CDH4: variants seen among roughly 807,000 people sequenced by gnomAD.
The protein encoded by CDH4 is cadherin 4.
CDH4 carries 33 observed loss-of-function variants against 86.0 expected under a neutral mutation model. That is an observed-to-expected ratio of 0.38 (90% CI 0.29 to 0.51). The LOEUF (loss-of-function observed/expected upper bound fraction) is 0.51, where lower values mean the gene tolerates loss of function less well. Among genes scored for constraint, CDH4 ranks in the 20% least tolerant of loss-of-function variants. The pLI is 0.86. For missense variants in CDH4, 1,114 were observed against 1,307.4 expected, an observed-to-expected ratio of 0.85 and a Z score of 2.28; for synonymous variants, 555 against 549.4, an observed-to-expected ratio of 1.01 and a Z score of -0.14.
At chr20:61,668,285 C>G (rs935370251) in intron 2 of CDH4, among the ~76,000 whole-genome samples, 2 of 152,190 alleles carry the variant, frequency 1.3e-5, no homozygotes, top group Non-Finnish European at 2.9e-5. Context: ...ATGTTTATCC[C>G]TCTATTGACA....
intron 8 of CDH4, among the ~76,000 whole-genome samples, chr20:61,899,718 C>T (rs923877173): frequency 5.3e-5 from 8 of 152,190 alleles, no homozygotes; most frequent in Non-Finnish European, 7.3e-5. Context: ...TGAGCCACCG[C>T]ACCCAGCCCA....
intron 2 of CDH4, among the ~76,000 whole-genome samples, chr20:61,631,140 G>A (rs767979796): frequency 3.9e-5 from 6 of 152,206 alleles, no homozygotes; most frequent in Non-Finnish European, 8.8e-5. Context: ...TGTTCGAGCT[G>A]GGACTGGGGA....
chr20:61,934,260 C>G (rs753035709), intron 15 of CDH4, 40 bp downstream of exon 15: 1 of 1,498,418 alleles, frequency 6.7e-7, no homozygotes, highest in Non-Finnish European at 8.9e-7. Context: ...GGCAAGGTGT[C>G]TCCTCTAAAA....
chr20:61,810,396 T>C lies in CDH4; in HGVS notation c.577-34272T>C, dbSNP rs78539269. On this transcript the variant is annotated intron_variant, in intron 4 of 15. Transcript: ENST00000614565. The surrounding 1 kb of genome is among the most constrained non-coding windows in gnomAD (Gnocchi z 4.3). ...TACCAGGACTCTTCCCAGCAAAAAC[T>C]GCCCTCGGCCAAGTTTCTGACCTGG... is the stretch of plus-strand genomic sequence containing the variant. Among the ~76,000 whole-genome samples the C allele has an allele frequency of 0.057, 8,652 of 152,298 alleles. 317 individuals are homozygous for C. Among genetic ancestry groups the C allele is most frequent in the Middle Eastern group, 0.088 (26 of 294 alleles).
At chr20:61,934,557 C>T (rs1005831243) in intron 15 of CDH4, among the ~76,000 whole-genome samples, 1 of 152,220 alleles carries the variant, frequency 6.6e-6, no homozygotes, top group East Asian at 1.9e-4. Context: ...GGAGAATCAG[C>T]GGGGCGACGG....
At chr20:61,449,881 A>G (rs532697664) in intron 2 of CDH4, among the ~76,000 whole-genome samples, 1 of 152,348 alleles carries the variant, frequency 6.6e-6, no homozygotes, top group East Asian at 1.9e-4. Flanking sequence ...GGTAATTTCC[A>G]TAACCAAGTT....
intron 2 of CDH4, among the ~76,000 whole-genome samples, chr20:61,329,794 AG>A (rs2084561624): frequency 6.6e-6 from 1 of 152,096 alleles, no homozygotes. Context: ...CCCATCCCCT[AG>A]GTATTATGCC....
chr20:61,614,626 A>G (rs2086711366), intron 2 of CDH4, among the ~76,000 whole-genome samples: 2 of 152,200 alleles, frequency 1.3e-5, no homozygotes, highest in South Asian at 4.1e-4. Flanking sequence ...TGAATTCTGG[A>G]CACCTAGTTT....
chr20:61,354,389 GA>G (rs1346913563), intron 2 of CDH4, among the ~76,000 whole-genome samples: 2 of 152,182 alleles, frequency 1.3e-5, no homozygotes, highest in Non-Finnish European at 2.9e-5. Flanking sequence ...ACGGTTTCCT[GA>G]CAAGGGCTCT....
At chr20:61,319,889 A>G (rs962397496) in intron 2 of CDH4, among the ~76,000 whole-genome samples, 2 of 151,930 alleles carry the variant, frequency 1.3e-5, no homozygotes, top group Non-Finnish European at 2.9e-5. Context: ...TGGGAGGCGA[A>G]GGATGCAGTA....
In CDH4 at chr20:61,888,098, C is replaced by A. The variant is rs1342778564; in HGVS notation, c.1051-6812C>A. ...GTGTCCACAGCGAGGCTGCCTGCTG[C>A]CCTGTCAGAAAACCTGATTCCGTTT... On this transcript the variant is annotated intron_variant, in intron 7 of 15. Coordinates refer to ENST00000614565, the MANE Select transcript of CDH4 (RefSeq NM_001794.5). Among the ~76,000 whole-genome samples, 3 of 152,200 alleles carry A rather than the reference C, an allele frequency of 2.0e-5. No individual in the cohort carries two copies. In the East Asian group the frequency reaches 5.8e-4, roughly 29 times the overall value.
rs373341715 is a variant in CDH4, at chr20:61,936,746, G to A, written c.2554G>A (p.Ala852Thr). The A allele has an allele frequency of 7.7e-5, 123 of 1,598,232 alleles. No individual in the cohort carries two copies. The highest frequency in any genetic ancestry group is 9.0e-5 in the Non-Finnish European group (106 of 1,173,656). The change falls in exon 16 of 16, where the codon GCT (alanine) becomes ACT (threonine). Residue 852 changes from alanine to threonine, a missense_variant. By Grantham distance (58) the Ala-to-Thr change is moderately conservative. Coordinates refer to ENST00000614565, the MANE Select transcript of CDH4 (RefSeq NM_001794.5). ...TGTCTGTGACCCCCAGGGACTCCGCGCTGCTGACAACGACCCCACGGCACC... is the reference window on the plus strand; with the variant it reads ...TGTCTGTGACCCCCAGGGACTCCGCACTGCTGACAACGACCCCACGGCACC... ...IGDFINEGLR[A>T]ADNDPTAPPY...
intron 2 of CDH4, among the ~76,000 whole-genome samples, chr20:61,716,461 C>G (rs931159446): frequency 2.0e-5 from 3 of 152,258 alleles, no homozygotes; most frequent in African/African-American, 4.8e-5. Context: ...CAGGACCCAG[C>G]AGGAGGAAGT....
chr20:61,903,070 A>G (rs1366428319), intron 8 of CDH4, among the ~76,000 whole-genome samples: 3 of 152,044 alleles, frequency 2.0e-5, no homozygotes, highest in African/African-American at 7.3e-5. Flanking sequence ...GAATTAAAAA[A>G]CTAAATATCT....
At chr20:61,524,032 C>A (rs1219853487) in intron 2 of CDH4, among the ~76,000 whole-genome samples, 1 of 152,226 alleles carries the variant, frequency 6.6e-6, no homozygotes, top group East Asian at 1.9e-4. Flanking sequence ...AACTGTAGGG[C>A]TTCCCAAAAG....
chr20:61,686,935 AC>A (rs2087586639), intron 2 of CDH4, among the ~76,000 whole-genome samples: 1 of 151,290 alleles, frequency 6.6e-6, no homozygotes, highest in Admixed American at 6.6e-5. Context: ...CTCCAAACCA[AC>A]CCCCGCCCCC....
At chr20:61,796,893 G>A (rs1037433273) in intron 4 of CDH4, among the ~76,000 whole-genome samples, 4 of 152,182 alleles carry the variant, frequency 2.6e-5, no homozygotes, top group African/African-American at 7.2e-5. Context: ...CCACTCCATC[G>A]AGAAATTATT....
intron 6 of CDH4, among the ~76,000 whole-genome samples, chr20:61,853,501 C>T (rs1982837576): frequency 6.6e-6 from 1 of 152,204 alleles, no homozygotes; most frequent in Non-Finnish European, 1.5e-5. Flanking sequence ...CCCGAGACTT[C>T]ACTCTGGCAC....
intron 2 of CDH4, among the ~76,000 whole-genome samples, chr20:61,429,056 A>G (rs2085230172): frequency 7.0e-6 from 1 of 143,724 alleles, no homozygotes; most frequent in African/African-American, 2.4e-5. Context: ...AACGAAGATG[A>G]CGGTAACTTA....
Sources: allele counts gnomAD v4.1 joint callset (sites outside exome capture counted in the v4.1 genomes callset), GRCh38; gene constraint gnomAD v4.1.1; non-coding constraint Gnocchi (gnomAD v3.1); transcripts MANE v1.5; gene names NCBI Gene and HGNC (gene_info 2026-07-23, HGNC 2026-07-21).